Variants in RMDN2 observed in about 807,000 individuals in gnomAD.
RMDN2 encodes the protein regulator of microtubule dynamics 2.
In RMDN2, 61 loss-of-function variants were observed where a neutral mutation model predicts 52.8. The ratio of observed to expected loss-of-function variants is 1.16; its 90% confidence interval spans 0.94 to 1.43. RMDN2 has a LOEUF of 1.43. RMDN2 is among the 40% of genes most tolerant of loss of function. The pLI is 0.00. For missense variants in RMDN2, 592 were observed against 475.3 expected (o/e 1.25, Z -2.28); for synonymous variants, 180 against 153.1 (o/e 1.18, Z -1.30).
chr2:38,022,027 G>A (rs141891337), downstream of RMDN2, among the ~76,000 whole-genome samples: 1 of 152,286 alleles, frequency 6.6e-6, no homozygotes, highest in East Asian at 1.9e-4. Context: ...ACATAACTGA[G>A]GCTTGGAATA....
intron 2 of RMDN2, among the ~76,000 whole-genome samples, chr2:37,969,908 C>T (rs1011816982): frequency 6.7e-6 from 1 of 149,816 alleles, no homozygotes; most frequent in Non-Finnish European, 1.5e-5. Context: ...CTTTCTCTTT[C>T]TTTCCTTCCT....
chr2:38,027,009 G>A (rs1486599566), intron 10 of RMDN2: 1 of 152,004 alleles, frequency 6.6e-6, no homozygotes, highest in Non-Finnish European at 1.5e-5. Flanking sequence ...TGTACGACTT[G>A]AATCTGTTCA....
chr2:37,930,450 G>C (rs1052918070), intron 2 of RMDN2, among the ~76,000 whole-genome samples: 3 of 152,100 alleles, frequency 2.0e-5, no homozygotes, highest in African/African-American at 7.2e-5. Context: ...TCCCCAAGTG[G>C]CTTTTCCTTG....
chr2:37,944,165 A>C (rs754830653), intron 2 of RMDN2, among the ~76,000 whole-genome samples: 1 of 152,152 alleles, frequency 6.6e-6, no homozygotes, highest in East Asian at 1.9e-4. Flanking sequence ...TTTAGTTTTC[A>C]TAACCTGGAG....
intron 2 of RMDN2, among the ~76,000 whole-genome samples, chr2:37,966,011 G>T (rs1670991101): frequency 1.3e-5 from 2 of 152,188 alleles, no homozygotes; most frequent in Non-Finnish European, 2.9e-5. Flanking sequence ...TAAATGTAAT[G>T]AGTTGCTTTT....
intron 8 of RMDN2, among the ~76,000 whole-genome samples, chr2:38,002,438 A>G (rs894125502): frequency 1.3e-5 from 2 of 152,186 alleles, no homozygotes; most frequent in Non-Finnish European, 2.9e-5. Flanking sequence ...GATGAAGTAT[A>G]TCTATGCTGA....
rs111946701 is a variant in RMDN2, at chr2:37,965,644, G to T, written c.453-8396G>T. 8.4e-3 allele frequency among the ~76,000 whole-genome samples: 1,274 copies of T among 152,114 alleles called. 5 individuals carry two copies. The highest frequency in any genetic ancestry group is 0.014 in the Non-Finnish European group (946 of 67,968). Reference sequence around the variant, plus strand: ...AGATGATGTAAAAGAATAAAAGGTGGAGTTATGAGCCAAACTTAGAATAAT... The same window carrying T: ...AGATGATGTAAAAGAATAAAAGGTGTAGTTATGAGCCAAACTTAGAATAAT... On this transcript the variant is annotated intron_variant, in intron 2 of 10. Transcript: ENST00000354545.
At chr2:38,003,861 A>T (rs1676690386) in intron 8 of RMDN2, 130 bp from the exon 9 acceptor site, 6 of 711,836 alleles carry the variant, frequency 8.4e-6, no homozygotes, top group Non-Finnish European at 1.5e-5. Context: ...CAAATGTGAA[A>T]CAACCAACCT....
intron 4 of RMDN2, chr2:37,976,253 T>C (rs1383403010): frequency 2.0e-5 from 3 of 152,252 alleles, no homozygotes; most frequent in Non-Finnish European, 4.4e-5. Flanking sequence ...ATAGATAGAA[T>C]ATCAAACTGT....
chr2:37,989,675 A>ATT (rs1674502854), intron 6 of RMDN2, 59 bp downstream of exon 6: 1 of 1,127,954 alleles, frequency 8.9e-7, no homozygotes, highest in African/African-American at 1.6e-5. Flanking sequence ...AAGGGTATTT[A>ATT]TTAATAATAA....
intron 2 of RMDN2, 33 bp downstream of exon 2, chr2:37,929,762 T>C: frequency 7.4e-7 from 1 of 1,358,808 alleles, no homozygotes; most frequent in Non-Finnish European, 9.9e-7. Flanking sequence ...CTATGTTGAA[T>C]TGGTTATTAT....
downstream of RMDN2, among the ~76,000 whole-genome samples, chr2:38,019,867 A>G (rs567305674): frequency 6.6e-6 from 1 of 152,112 alleles, no homozygotes; most frequent in African/African-American, 2.4e-5. Flanking sequence ...CAAGGCTGTG[A>G]TGAGCTGTAA....
intron 8 of RMDN2, among the ~76,000 whole-genome samples, chr2:38,003,546 T>TGATA (rs57530338): frequency 0.27 from 35,884 of 131,998 alleles, 4,964 homozygotes; most frequent in East Asian, 0.31. Flanking sequence ...AAGCAAGACC[T>TGATA]GATAGATAGA....
chr2:38,021,893 C>G (rs1482089577), downstream of RMDN2, among the ~76,000 whole-genome samples: 1 of 152,196 alleles, frequency 6.6e-6, no homozygotes, highest in Non-Finnish European at 1.5e-5. Context: ...GTTACCAGTA[C>G]GAGTACCAGC....
chr2:37,934,349 C>G (rs1667110512), intron 2 of RMDN2, among the ~76,000 whole-genome samples: 1 of 152,142 alleles, frequency 6.6e-6, no homozygotes, highest in South Asian at 2.1e-4. Flanking sequence ...GACCTATGCA[C>G]TTATGCCTTT....
At chr2:38,024,506 T>C (rs1679629196) in intron 10 of RMDN2, among the ~76,000 whole-genome samples, 1 of 152,184 alleles carries the variant, frequency 6.6e-6, no homozygotes, top group Non-Finnish European at 1.5e-5. Flanking sequence ...ATAGGGGGTT[T>C]AATTTGTATT....
At chr2:38,015,359 G>T (rs975898128) in intron 10 of RMDN2, among the ~76,000 whole-genome samples, 3 of 152,146 alleles carry the variant, frequency 2.0e-5, no homozygotes, top group African/African-American at 7.2e-5. Context: ...TAGGTCAAGA[G>T]ATCGAGACCA....
upstream of RMDN2, among the ~76,000 whole-genome samples, chr2:37,924,516 C>G (rs1462613137): frequency 1.3e-5 from 2 of 152,226 alleles, no homozygotes; most frequent in African/African-American, 4.8e-5. Context: ...AGGCGTCCAC[C>G]ACCACGCCCG....
In RMDN2 at chr2:37,974,370, A is replaced by G. The variant is rs561043857; in HGVS notation, c.627+156A>G. 1.1e-4 allele frequency among the ~76,000 whole-genome samples: 16 copies of G among 152,102 alleles called. No individual in the cohort carries two copies. In the South Asian group the frequency reaches 3.3e-3, roughly 32 times the overall value. On this transcript the variant is annotated intron_variant, in intron 3 of 10. Coordinates refer to ENST00000354545, the MANE Select transcript of RMDN2 (RefSeq NM_001170791.3). ...AAATGACTAAAATTTTTTAAAATTTATTTTTTATTTAAGATGCATAAAATT... is the reference window on the plus strand; with the variant it reads ...AAATGACTAAAATTTTTTAAAATTTGTTTTTTATTTAAGATGCATAAAATT...
Sources: allele counts gnomAD v4.1 joint callset (sites outside exome capture counted in the v4.1 genomes callset), GRCh38; gene constraint gnomAD v4.1.1; transcripts MANE v1.5; gene names NCBI Gene and HGNC (gene_info 2026-07-23, HGNC 2026-07-21).